Variants in MFHAS1 observed in about 807,000 individuals in gnomAD.
The protein encoded by MFHAS1 is multifunctional ROCO family signaling regulator 1.
In MFHAS1, 50 loss-of-function variants were observed where a neutral mutation model predicts 70.4. The observed-to-expected ratio is 0.71, with a 90% confidence interval of 0.57 to 0.90. The LOEUF (loss-of-function observed/expected upper bound fraction) is 0.90. Ranked by LOEUF, MFHAS1 falls within the 40% of genes least tolerant of loss-of-function variation. The pLI is 0.00. For missense variants in MFHAS1, 1,795 were observed against 1,347.6 expected, an observed-to-expected ratio of 1.33 and a Z score of -5.20; for synonymous variants, 952 against 620.0, an observed-to-expected ratio of 1.54 and a Z score of -7.96.
At chr8:8,805,450 G>A (rs1182580815) in intron 1 of MFHAS1, among the ~76,000 whole-genome samples, 1 of 152,172 alleles carries the variant, frequency 6.6e-6, no homozygotes, top group Non-Finnish European at 1.5e-5. Context: ...ACAATCTTGA[G>A]AGAGAATATA....
rs761337549 is a variant in MFHAS1 at position 8,892,555 on chromosome 8, G to A, written c.504C>T (p.Asn168=). The change falls in exon 1 of 3, where the codon AAC becomes AAT. Residue 168 remains asparagine, a synonymous_variant. Coordinates refer to ENST00000276282, the MANE Select transcript of MFHAS1 (RefSeq NM_004225.3). The surrounding 1 kb of genome is among the most constrained non-coding windows in gnomAD (Gnocchi z 4.7). ...AHLEELDVSF[N]RLAHLPDSLS... is the part of the protein sequence containing the mutation. ...GGGAGTCAGGCAGGTGCGCCAGCCG[G>A]TTAAAGCTGACATCCAGCTCCTCCA... 6.9e-6 allele frequency: 11 copies of A among 1,602,548 alleles called. No homozygotes were observed. Among genetic ancestry groups the A allele is most frequent in the East Asian group, 2.3e-5 (1 of 44,310 alleles).
At chr8:8,829,864 G>A (rs1281286590) in intron 1 of MFHAS1, among the ~76,000 whole-genome samples, 1 of 152,188 alleles carries the variant, frequency 6.6e-6, no homozygotes, top group Admixed American at 6.5e-5. Flanking sequence ...GGAACAGATT[G>A]CCTCACGTGA....
Position 8,890,441 on chromosome 8 carries a change from T to A in MFHAS1, c.2618A>T (p.Gln873Leu). 1 of 1,613,944 alleles carries A rather than the reference T, an allele frequency of 6.2e-7. No homozygotes were observed. Among genetic ancestry groups the A allele is most frequent in the South Asian group, 1.1e-5 (1 of 91,088 alleles). ...AWINGTNLAG[Q>L]SFVAEQLQIE... ...CTGCAACTGCTCAGCCACAAAAGAC[T>A]GCCCAGCTAGGTTGGTCCCATTAAT... is the stretch of plus-strand genomic sequence containing the variant. The change falls in exon 1 of 3, where the codon CAG becomes CTG. Residue 873 changes from glutamine to leucine, a missense_variant. Physicochemically the swap from Gln to Leu is moderately radical, Grantham distance 113. Transcript: ENST00000276282.
At chr8:8,806,818 A>T (rs1403808194) in intron 1 of MFHAS1, among the ~76,000 whole-genome samples, 1 of 152,054 alleles carries the variant, frequency 6.6e-6, no homozygotes, top group East Asian at 1.9e-4. Context: ...AAAATTAGCC[A>T]GGCGAGGTGG....
chr8:8,797,011 A>C (rs113160067), intron 2 of MFHAS1, among the ~76,000 whole-genome samples: 31,932 of 151,980 alleles, frequency 0.21, 3,725 homozygotes, highest in African/African-American at 0.3. Context: ...ACAACAACAA[A>C]AAAAATGTTC....
intron 1 of MFHAS1, chr8:8,821,864 G>A (rs1178455538): frequency 6.6e-6 from 1 of 152,242 alleles, no homozygotes; most frequent in Non-Finnish European, 1.5e-5. Flanking sequence ...ATTAACTGTG[G>A]ATAAGCCCGC....
intron 1 of MFHAS1, among the ~76,000 whole-genome samples, chr8:8,810,216 A>C (rs530754732): frequency 3.9e-5 from 6 of 152,176 alleles, no homozygotes; most frequent in Non-Finnish European, 7.3e-5. Flanking sequence ...AAATACAAAA[A>C]TTAGCCAGGC....
At chr8:8,808,410 G>C (rs944930833) in intron 1 of MFHAS1, among the ~76,000 whole-genome samples, 1 of 152,244 alleles carries the variant, frequency 6.6e-6, no homozygotes, top group Non-Finnish European at 1.5e-5. Context: ...CACTGTCAAA[G>C]TGTTGCAGTG....
chr8:8,823,858 C>T (rs1807056193), intron 1 of MFHAS1, among the ~76,000 whole-genome samples: 1 of 133,642 alleles, frequency 7.5e-6, no homozygotes, highest in South Asian at 3.4e-4. Context: ...TGTCTCCATG[C>T]GCTTCAAAGA....
intron 1 of MFHAS1, among the ~76,000 whole-genome samples, chr8:8,812,953 G>C (rs191010953): frequency 8.3e-4 from 127 of 152,228 alleles, no homozygotes; most frequent in Non-Finnish European, 1.5e-3. Flanking sequence ...TTTTAGTAGG[G>C]ACGGGGTTTC....
chr8:8,892,944 C>T lies in MFHAS1; in HGVS notation c.115G>A (p.Ala39Thr), dbSNP rs775800126. Residue 39 changes from alanine (A) to threonine (T), a missense_variant, in exon 1 of 3, where the codon GCC (alanine) becomes ACC (threonine). By Grantham distance (58) the Ala-to-Thr change is moderately conservative. Coordinates refer to ENST00000276282, the MANE Select transcript of MFHAS1 (RefSeq NM_004225.3). This position sits in a 1 kb window ranked among gnomAD's most constrained non-coding sequence, Gnocchi z 4.7. ...LRQLTLTAAGACPGAGADALE... is the reference protein window; with the variant it reads ...LRQLTLTAAGTCPGAGADALE... ...GCGTCGGCCCCGGCCCCGGGGCAGG[C>T]CCCGGCGGCGGTAAGCGTGAGCTGG... is the stretch of plus-strand genomic sequence containing the variant. The T allele has an allele frequency of 1.9e-6, 3 of 1,547,700 alleles. No individual in the cohort carries two copies. The highest frequency in any genetic ancestry group is 2.6e-6 in the Non-Finnish European group (3 of 1,149,660).
intron 1 of MFHAS1, among the ~76,000 whole-genome samples, chr8:8,803,154 C>T (rs568663498): frequency 6.6e-6 from 1 of 152,276 alleles, no homozygotes; most frequent in East Asian, 1.9e-4. Flanking sequence ...AGAGTTAGCC[C>T]TCCTTATCAG....
intron 1 of MFHAS1, among the ~76,000 whole-genome samples, chr8:8,876,389 A>G (rs1809293359): frequency 6.6e-6 from 1 of 152,182 alleles, no homozygotes; most frequent in African/African-American, 2.4e-5. Context: ...GGAAACTTTG[A>G]TAAGTTGGCA....
chr8:8,826,524 C>T (rs954220676), intron 1 of MFHAS1, among the ~76,000 whole-genome samples: 3 of 152,094 alleles, frequency 2.0e-5, no homozygotes, highest in Admixed American at 2.0e-4. Context: ...CTTAAGGTCA[C>T]GAGTTCAAGA....
chr8:8,826,198 T>G (rs80238323), intron 1 of MFHAS1, among the ~76,000 whole-genome samples: 2,446 of 152,114 alleles, frequency 0.016, 26 homozygotes, highest in Non-Finnish European at 0.026. Flanking sequence ...GTAACTACTG[T>G]TACCCATTTC....
chr8:8,843,629 G>A (rs1441130631), intron 1 of MFHAS1, among the ~76,000 whole-genome samples: 1 of 152,124 alleles, frequency 6.6e-6, no homozygotes. Context: ...AGAAAGCAGG[G>A]AGCGGGGTCT....
rs1809824572 is a variant in MFHAS1, at chr8:8,887,811, T to C, written c.2998+2250A>G. 3.4e-5 allele frequency among the ~76,000 whole-genome samples: 5 copies of C among 144,946 alleles called. No individual in the cohort carries two copies. In the Admixed American group the frequency reaches 3.5e-4, roughly 10 times the overall value. ...TCAGTACAAGCTTGTCTGTGGAATT[T>C]ATGACTGGTAAAAATTAAACATAAA... On this transcript the variant is annotated intron_variant, in intron 1 of 2. Coordinates refer to ENST00000276282, the MANE Select transcript of MFHAS1 (RefSeq NM_004225.3).
intron 1 of MFHAS1, among the ~76,000 whole-genome samples, chr8:8,862,276 G>A (rs2116891440): frequency 6.6e-6 from 1 of 152,012 alleles, no homozygotes; most frequent in Non-Finnish European, 1.5e-5. Context: ...TTTCTCTAAT[G>A]ATTAATGATG....
At chr8:8,789,049 C>T (rs1018445143) in intron 2 of MFHAS1, among the ~76,000 whole-genome samples, 12 of 151,744 alleles carry the variant, frequency 7.9e-5, no homozygotes, top group African/African-American at 2.9e-4. Flanking sequence ...CAATTATTGT[C>T]GGTTTGAAGG....
Sources: gnomAD v4.1 joint callset for allele counts (sites outside exome capture counted in the v4.1 genomes callset) on GRCh38, gnomAD v4.1.1 for gene constraint, Gnocchi (gnomAD v3.1) non-coding constraint, MANE v1.5 for transcripts, NCBI Gene and HGNC (gene_info 2026-07-23, HGNC 2026-07-21) for gene names.